Variants in ANKLE2 observed in about 807,000 individuals in gnomAD.
The protein encoded by ANKLE2 is ankyrin repeat and LEM domain containing 2, also known as ankyrin repeat and LEM domain-containing protein 2.
In ANKLE2, 55 loss-of-function variants were observed where a neutral mutation model predicts 84.2. That is an observed-to-expected ratio of 0.65 (90% CI 0.53 to 0.82). The LOEUF is 0.82. ANKLE2 is among the 40% of genes least tolerant of loss of function. The pLI is 0.00. For synonymous variants in ANKLE2, 551 were observed against 486.1 expected (o/e 1.13, Z -1.76); for missense variants, 1,238 against 1,201.9 (o/e 1.03, Z -0.44).
intron 10 of ANKLE2, chr12:132,730,697 C>G (rs1389738857): frequency 5.9e-6 from 1 of 170,560 alleles, no homozygotes; most frequent in Admixed American, 5.8e-5. Context: ...CACCTGTAGT[C>G]TCAGCTATTT....
chr12:132,736,773 C>T (rs1156475672), intron 8 of ANKLE2, 120 bp downstream of exon 8: 1 of 1,219,462 alleles, frequency 8.2e-7, no homozygotes, highest in African/African-American at 1.5e-5. Flanking sequence ...ATGAGGACAA[C>T]CTTGGGGCTC....
chr12:132,755,621 T>C (rs892284042), intron 1 of ANKLE2: 5 of 150,958 alleles, frequency 3.3e-5, no homozygotes, highest in African/African-American at 1.2e-4. Flanking sequence ...AGTGCAGTGG[T>C]GCTATCGCAG....
chr12:132,729,291 CA>C (rs1450146149), intron 11 of ANKLE2, among the ~76,000 whole-genome samples: 1 of 132,460 alleles, frequency 7.5e-6, no homozygotes, highest in Admixed American at 8.0e-5. Context: ...GTGGAGGTTA[CA>C]GTGAGCTGTG....
chr12:132,734,914 G>A, intron 9 of ANKLE2: 1 of 311,380 alleles, frequency 3.2e-6, no homozygotes, highest in Non-Finnish European at 5.9e-6. Context: ...ACAGCCCTGT[G>A]AACTTGCCCG....
At chr12:132,745,748 C>A in intron 5 of ANKLE2, 1 of 185,628 alleles carries the variant, frequency 5.4e-6, no homozygotes, top group East Asian at 1.3e-4. Flanking sequence ...TCCCGCACCT[C>A]TCTAAGCCTG....
rs558861056 is a variant in ANKLE2 at position 132,753,629 on chromosome 12, G to A, written c.640+1046C>T. The stretch of plus-strand genomic sequence containing the variant: ...AAATACAAAAAATAAAAAATTAGCT[G>A]GGTATGGTGGCGGGCGCCTGTAGTT... On this transcript the variant is annotated intron_variant, in intron 2 of 12. Transcript: ENST00000357997. Among the ~76,000 whole-genome samples, 5 of 152,216 alleles carry A rather than the reference G, an allele frequency of 3.3e-5. No homozygotes were observed. In the South Asian group the frequency reaches 8.3e-4, roughly 25 times the overall value.
rs77713569 is a variant in ANKLE2, at chr12:132,730,940, C to T, written c.1892-670G>A. On this transcript the variant is annotated intron_variant, in intron 10 of 12. Transcript: ENST00000357997. Reference sequence around the variant, plus strand: ...TGCACCCCCAGCCACCCTCCAGCTCCGATCTGCTGCGACCCCAGGGGCTCC... The same window carrying T: ...TGCACCCCCAGCCACCCTCCAGCTCTGATCTGCTGCGACCCCAGGGGCTCC... The T allele has an allele frequency of 5.4e-3, 829 of 152,452 alleles. 19 individuals are homozygous for T. In the East Asian group the frequency reaches 0.087, roughly 16 times the overall value. The allele number at this position is 152,452 out of a possible 1,614,324, so 9.4% of individuals were successfully genotyped here. A position where few individuals can be genotyped will look rare whatever the true frequency, so the allele number is the denominator to read the frequency against.
At chr12:132,740,411 G>C (rs1373024132) in intron 7 of ANKLE2, among the ~76,000 whole-genome samples, 2 of 152,190 alleles carry the variant, frequency 1.3e-5, no homozygotes, top group Non-Finnish European at 2.9e-5. Context: ...AAGTCACTGT[G>C]TGCTGGGAAA....
At chr12:132,734,990 G>A in intron 9 of ANKLE2, 2 of 288,178 alleles carry the variant, frequency 6.9e-6, no homozygotes, top group South Asian at 4.3e-5. Context: ...TTGTACACCT[G>A]ACACTGGGCA....
chr12:132,735,791 C>A (rs527910502), intron 8 of ANKLE2, among the ~76,000 whole-genome samples: 1 of 152,350 alleles, frequency 6.6e-6, no homozygotes, highest in Admixed American at 6.5e-5. Context: ...CGAGGCCTCA[C>A]CCTGAGGACA....
Position 132,754,975 on chromosome 12 carries a change from C to T in ANKLE2, c.340G>A (p.Gly114Arg), listed in dbSNP as rs1324652874. Residue 114 changes from glycine (G) to arginine (R), a missense_variant, in exon 2 of 13, where the codon GGA becomes AGA. This residue lies in a region of ANKLE2 where 422 missense variants were observed against 394.5 expected (regional missense o/e 1.07). Transcript: ENST00000357997. ...TGGTAGAAAGAAGACAGCCTTCCTCCTTGCTCCAGTAAAGCCTGAGCCAAT... is the reference window on the plus strand; with the variant it reads ...TGGTAGAAAGAAGACAGCCTTCCTCTTTGCTCCAGTAAAGCCTGAGCCAAT... ...KKLAQALLEQ[G>R]GRLSSFYHHE... 3 of 1,614,202 alleles carry T rather than the reference C, an allele frequency of 1.9e-6. No individual in the cohort carries two copies. Among genetic ancestry groups the T allele is most frequent in the Non-Finnish European group, 2.5e-6 (3 of 1,180,036 alleles).
Position 132,737,012 on chromosome 12 carries a change from C to T in ANKLE2, c.1474G>A (p.Gly492Arg), listed in dbSNP as rs1448179064. The T allele has an allele frequency of 5.0e-6, 8 of 1,613,036 alleles. No individual in the cohort carries two copies. The highest frequency in any genetic ancestry group is 6.8e-6 in the Non-Finnish European group (8 of 1,179,316). The change falls in exon 8 of 13, where the codon GGG becomes AGG. Residue 492 changes from glycine to arginine, a missense_variant. Gly to Arg is a moderately radical substitution (Grantham distance 125). Transcript: ENST00000357997. The part of the protein sequence containing the change: ...RAEETSSPVI[G>R]ELWSPDQTAE... ...GTCTGGTCTGGGGACCACAGCTCCC[C>T]GATGACTGGAGAAGAAGTCTCTTCC...
chr12:132,730,333 CCCCATCCAT>C, intron 10 of ANKLE2, 63 bp from the exon 11 acceptor site: 2 of 1,332,404 alleles, frequency 1.5e-6, no homozygotes, highest in Admixed American at 4.8e-5. Flanking sequence ...AGCTGCTCCG[CCCCATCCAT>C]GACCAACTGC....
At position 132,726,599 on chromosome 12, in the gene ANKLE2, G is replaced by C. The variant is rs890730192; in HGVS notation, c.*643C>G. 1 of 152,168 alleles carries C rather than the reference G, an allele frequency of 6.6e-6. No individual in the cohort carries two copies. Among genetic ancestry groups the C allele is most frequent in the Admixed American group, 6.5e-5 (1 of 15,282 alleles). The allele number at this position is 152,168 out of a possible 1,614,324, so 9.4% of individuals were successfully genotyped here. The stretch of plus-strand genomic sequence containing the variant: ...GGCTGCAAGACTTCCCAAGAGAAAA[G>C]CTACTTTCATCTTCTGATCAGTAAT... On this transcript the variant is annotated 3_prime_UTR_variant, in exon 13 of 13. Transcript: ENST00000357997.
intron 7 of ANKLE2, chr12:132,738,094 G>A (rs1202314988): frequency 6.6e-6 from 1 of 150,724 alleles, no homozygotes; most frequent in African/African-American, 2.5e-5. Context: ...GTTTATCACA[G>A]GTGTGGGCTG....
At chr12:132,727,466 GT>G (rs1286357197) in intron 12 of ANKLE2, 23 bp from the exon 13 acceptor site, 3 of 1,550,238 alleles carry the variant, frequency 1.9e-6, no homozygotes, top group Non-Finnish European at 2.6e-6. Context: ...AGAAAGAACT[GT>G]TAGCAGACGG....
intron 3 of ANKLE2, chr12:132,749,105 G>T (rs1327890048): frequency 6.6e-6 from 1 of 152,112 alleles, no homozygotes; most frequent in South Asian, 2.1e-4. Flanking sequence ...CCTTCGATGT[G>T]CACAGTGTGG....
chr12:132,729,855 T>C lies in ANKLE2; in HGVS notation c.2307A>G (p.Ala769=), dbSNP rs1216245659. The change falls in exon 11 of 13, where the codon GCA becomes GCG. Residue 769 remains alanine (A), a synonymous_variant. Transcript: ENST00000357997. ...AAGGCTCTAACAAGTCTCTTTCTAC[T>C]GCATTGATTCTTGAAGTCAGGATCT... ...KDQILTSRIN[A]VERDLLEPSP... is the part of the protein sequence containing the mutation. 2 of 1,613,560 alleles carry C rather than the reference T, an allele frequency of 1.2e-6. No homozygotes were observed. The highest frequency in any genetic ancestry group is 1.7e-6 in the Non-Finnish European group (2 of 1,179,876).
At chr12:132,761,321 T>TCTC in intron 1 of ANKLE2, 1 of 264,996 alleles carries the variant, frequency 3.8e-6, no homozygotes. Context: ...GCAGCAAGAG[T>TCTC]CTCCGCTAAC....
Sources: gnomAD v4.1 joint callset for allele counts (sites outside exome capture counted in the v4.1 genomes callset) on GRCh38, gnomAD v4.1.1 for gene constraint, gnomAD v4.1.1 regional missense constraint, MANE v1.5 for transcripts, NCBI Gene and HGNC (gene_info 2026-07-23, HGNC 2026-07-21) for gene names.